Variants in MYO1B observed in about 807,000 individuals in gnomAD.
The protein encoded by MYO1B is unconventional myosin-Ib.
In MYO1B, 72 loss-of-function variants were observed where a neutral mutation model predicts 159.7. That is an observed-to-expected ratio of 0.45 (90% confidence interval 0.37 to 0.55). MYO1B has a LOEUF of 0.55. MYO1B is among the 20% of genes least tolerant of loss of function. MYO1B has a pLI of 0.00. For missense variants in MYO1B, 1,062 were observed against 1,364.8 expected, an observed-to-expected ratio of 0.78 and a Z score of 3.50; for synonymous variants, 468 against 473.8, an observed-to-expected ratio of 0.99 and a Z score of 0.16.
intron 1 of MYO1B, chr2:191,263,179 C>T: frequency 5.0e-6 from 1 of 201,026 alleles, no homozygotes; most frequent in Non-Finnish European, 8.9e-6. Flanking sequence ...ATGATTAACT[C>T]ATATAAAACA....
In MYO1B at chr2:191,363,676, A is replaced by C. The variant is rs901694761; in HGVS notation, c.766-52A>C. On this transcript the variant is annotated intron_variant, in intron 9 of 30. Coordinates refer to ENST00000392318, the MANE Select transcript of MYO1B (RefSeq NM_001130158.3). ...CTGTAATATGATTCATTAAAAAAGA[A>C]AAGAAAATAACTATAAGAAAAAAAT... is the stretch of plus-strand genomic sequence containing the variant. The C allele has an allele frequency of 1.4e-5, 22 of 1,548,246 alleles. No homozygotes were observed. The Admixed American group carries it at 4.6e-4, about 32-fold the overall frequency.
chr2:191,385,578 A>G (rs1178458346), intron 15 of MYO1B, among the ~76,000 whole-genome samples: 1 of 152,172 alleles, frequency 6.6e-6, no homozygotes, highest in Non-Finnish European at 1.5e-5. Context: ...TTGTAAGAGT[A>G]TAAATTTCAG....
At chr2:191,397,687 C>T (rs1476033482) in intron 21 of MYO1B, among the ~76,000 whole-genome samples, 1 of 145,626 alleles carries the variant, frequency 6.9e-6, no homozygotes, top group Non-Finnish European at 1.5e-5. Context: ...CATCATGGCC[C>T]ATCCCCAATG....
chr2:191,384,460 A>G (rs1306455117), intron 15 of MYO1B, among the ~76,000 whole-genome samples: 3 of 152,228 alleles, frequency 2.0e-5, no homozygotes, highest in Non-Finnish European at 4.4e-5. Context: ...AGATATTCCT[A>G]AAAGTTGTTT....
chr2:191,398,067 C>CGGGGG (rs771560897), intron 21 of MYO1B, among the ~76,000 whole-genome samples: 52 of 668 alleles, frequency 0.078, 19 homozygotes, highest in Non-Finnish European at 0.082. Context: ...CGGCTGGAGA[C>CGGGGG]GGCTAACCCC....
At chr2:191,377,559 G>A (rs569018139) in intron 13 of MYO1B, 1 of 152,170 alleles carries the variant, frequency 6.6e-6, no homozygotes, top group African/African-American at 2.4e-5. Context: ...TTGCTTTGGG[G>A]CCTTCCTATT....
In MYO1B at chr2:191,326,770, ATGTGTGTGTGTGTGTG is replaced by A. The variant is rs35184577; in HGVS notation, c.252-3134_252-3119del. ...CTTCCAAAGCCTTGTGTTTGTATAT[ATGTGTGTGTGTGTGTG>A]TGTGTGTGTGTGTGTGTGTGTGTGT... On this transcript the variant is annotated intron_variant, in intron 3 of 30. Coordinates refer to ENST00000392318, the MANE Select transcript of MYO1B (RefSeq NM_001130158.3). Among the ~76,000 whole-genome samples, 692 of 137,152 alleles carry A rather than the reference ATGTGTGTGTGTGTGTG, an allele frequency of 5.0e-3. 1 individual carries two copies. The highest frequency in any genetic ancestry group is 0.02 in the East Asian group (91 of 4,578). The allele number at this position is 137,152 out of a possible 152,430, so 90.0% of individuals were successfully genotyped here.
At chr2:191,308,065 C>A (rs1689760895) in intron 3 of MYO1B, among the ~76,000 whole-genome samples, 1 of 152,066 alleles carries the variant, frequency 6.6e-6, no homozygotes, top group African/African-American at 2.4e-5. Flanking sequence ...TGAAAGATTC[C>A]CCCCCACTCT....
At chr2:191,288,454 A>G (rs1372695369) in intron 2 of MYO1B, among the ~76,000 whole-genome samples, 2 of 152,140 alleles carry the variant, frequency 1.3e-5, no homozygotes, top group East Asian at 3.8e-4. Flanking sequence ...AGCACTCATT[A>G]GACAGTAAAA....
intron 30 of MYO1B, among the ~76,000 whole-genome samples, chr2:191,420,411 A>T (rs2126195967): frequency 6.6e-6 from 1 of 152,304 alleles, no homozygotes. Context: ...AGCCCCATTC[A>T]TGGTAAGGGC....
chr2:191,321,524 A>G (rs1034265859), intron 3 of MYO1B, among the ~76,000 whole-genome samples: 1 of 152,204 alleles, frequency 6.6e-6, no homozygotes, highest in African/African-American at 2.4e-5. Context: ...GTTAAAAGAG[A>G]TAGTAAAAAT....
intron 27 of MYO1B, among the ~76,000 whole-genome samples, chr2:191,412,388 A>G (rs918756136): frequency 3.9e-5 from 6 of 152,256 alleles, no homozygotes; most frequent in African/African-American, 1.4e-4. Context: ...AAAGCCTGTT[A>G]GCATTTTTAT....
chr2:191,262,782 T>C (rs1686902143), intron 1 of MYO1B, among the ~76,000 whole-genome samples: 1 of 152,180 alleles, frequency 6.6e-6, no homozygotes. Context: ...TGAATATGTT[T>C]TTTATTCTTG....
chr2:191,422,848 G>A (rs369826725), intron 30 of MYO1B, among the ~76,000 whole-genome samples: 6 of 150,986 alleles, frequency 4.0e-5, no homozygotes, highest in South Asian at 4.2e-4. Context: ...TTTTTTTGCC[G>A]TGGAAAAATG....
At chr2:191,262,552 T>C (rs181703385) in intron 1 of MYO1B, among the ~76,000 whole-genome samples, 3 of 152,324 alleles carry the variant, frequency 2.0e-5, no homozygotes, top group Admixed American at 1.3e-4. Flanking sequence ...TGTTGCCATC[T>C]TGATGTGTGA....
intron 2 of MYO1B, among the ~76,000 whole-genome samples, chr2:191,287,711 C>T (rs1688461989): frequency 6.6e-6 from 1 of 152,112 alleles, no homozygotes; most frequent in Non-Finnish European, 1.5e-5. Flanking sequence ...AGCTTAAATA[C>T]TATACTTAGG....
chr2:191,338,366 T>G (rs1691993692), intron 4 of MYO1B, among the ~76,000 whole-genome samples: 1 of 152,206 alleles, frequency 6.6e-6, no homozygotes. Context: ...TTGAATTGCT[T>G]AAATAGGTTT....
At chr2:191,366,687 C>G (rs945032989) in intron 11 of MYO1B, among the ~76,000 whole-genome samples, 15 of 152,074 alleles carry the variant, frequency 9.9e-5, no homozygotes, top group Admixed American at 6.6e-5. Context: ...ACACAGCTTA[C>G]CTCAGTTTAT....
At chr2:191,357,554 G>A (rs1693382155) in intron 7 of MYO1B, among the ~76,000 whole-genome samples, 1 of 152,114 alleles carries the variant, frequency 6.6e-6, no homozygotes, top group African/African-American at 2.4e-5. Flanking sequence ...AGAATATCTG[G>A]AATATCTCTT....
Sources: gnomAD v4.1 joint callset for allele counts (sites outside exome capture counted in the v4.1 genomes callset) on GRCh38, gnomAD v4.1.1 for gene constraint, MANE v1.5 for transcripts, NCBI Gene and HGNC (gene_info 2026-07-23, HGNC 2026-07-21) for gene names.